ENTREP2: variants seen among roughly 807,000 people sequenced by gnomAD.
ENTREP2 encodes endosomal transmembrane epsin interactor 2, also known as protein ENTREP2.
the ENTREP2 span, among the ~76,000 whole-genome samples, chr15:29,288,396 C>T: frequency 6.6e-6 from 1 of 152,204 alleles, no homozygotes; most frequent in South Asian, 2.1e-4. Flanking sequence ...TCCCCATCAT[C>T]ACCAACACCT....
chr15:29,246,723 CA>C, the ENTREP2 span, among the ~76,000 whole-genome samples: 10 of 151,868 alleles, frequency 6.6e-5, no homozygotes, highest in Non-Finnish European at 1.5e-4. Context: ...AAATTATTTG[CA>C]TGTTCATTTT....
the ENTREP2 span, among the ~76,000 whole-genome samples, chr15:29,489,918 T>C: frequency 1.3e-5 from 2 of 152,206 alleles, no homozygotes; most frequent in Non-Finnish European, 2.9e-5. Flanking sequence ...GCTACAAAGA[T>C]CACCACAAAA....
the ENTREP2 span, among the ~76,000 whole-genome samples, chr15:29,378,145 G>A: frequency 6.6e-6 from 1 of 151,646 alleles, no homozygotes; most frequent in East Asian, 1.9e-4. Context: ...ATTACTTAAG[G>A]TGTGGAAGCC....
chr15:29,524,038 T>C, the ENTREP2 span, among the ~76,000 whole-genome samples: 1 of 152,082 alleles, frequency 6.6e-6, no homozygotes, highest in Non-Finnish European at 1.5e-5. Context: ...TGGGATATCA[T>C]CAAAATTACA....
At chr15:29,644,831 A>G in the ENTREP2 span, among the ~76,000 whole-genome samples, 95 of 151,808 alleles carry the variant, frequency 6.3e-4, no homozygotes, top group African/African-American at 2.1e-3. Context: ...AAAAAAAGAA[A>G]AAAAAAGAAA....
At chr15:29,656,730 T>C in the ENTREP2 span, among the ~76,000 whole-genome samples, 1 of 152,148 alleles carries the variant, frequency 6.6e-6, no homozygotes, top group Admixed American at 6.5e-5. Context: ...CAACAGACTC[T>C]CTCATATCTT....
At chr15:29,516,324 G>A in the ENTREP2 span, among the ~76,000 whole-genome samples, 1 of 152,098 alleles carries the variant, frequency 6.6e-6, no homozygotes, top group African/African-American at 2.4e-5. Context: ...AAACGCTAAG[G>A]TTTCCATTCA....
At chr15:29,342,778 C>G in the ENTREP2 span, among the ~76,000 whole-genome samples, 1 of 152,124 alleles carries the variant, frequency 6.6e-6, no homozygotes, top group Admixed American at 6.5e-5. Flanking sequence ...TCTGTGAGCT[C>G]TCTGACCCCG....
the ENTREP2 span, among the ~76,000 whole-genome samples, chr15:29,639,158 G>T: frequency 6.6e-6 from 1 of 152,184 alleles, no homozygotes; most frequent in Non-Finnish European, 1.5e-5. Context: ...CTGAGCATCT[G>T]CAGAGTCCCA....
At chr15:29,474,837 G>A in the ENTREP2 span, among the ~76,000 whole-genome samples, 2 of 152,096 alleles carry the variant, frequency 1.3e-5, no homozygotes, top group African/African-American at 2.4e-5. Flanking sequence ...GATTACAGGC[G>A]TGAGCCACCG....
the ENTREP2 span, among the ~76,000 whole-genome samples, chr15:29,401,312 G>A: frequency 6.6e-6 from 1 of 152,036 alleles, no homozygotes; most frequent in Non-Finnish European, 1.5e-5. Flanking sequence ...CAAAGAGCTC[G>A]TATAAATTAA....
At chr15:29,440,497 A>C in the ENTREP2 span, among the ~76,000 whole-genome samples, 1 of 152,216 alleles carries the variant, frequency 6.6e-6, no homozygotes, top group Non-Finnish European at 1.5e-5. Context: ...ACTCGTTTCC[A>C]ACATTAGCAT....
chr15:29,471,805 C>T, the ENTREP2 span, among the ~76,000 whole-genome samples: 1 of 152,198 alleles, frequency 6.6e-6, no homozygotes, highest in African/African-American at 2.4e-5. Context: ...TACCTCATGC[C>T]TTCTTCTGAA....
At chr15:29,662,165 C>T in the ENTREP2 span, among the ~76,000 whole-genome samples, 2 of 135,040 alleles carry the variant, frequency 1.5e-5, no homozygotes, top group East Asian at 2.3e-4. Flanking sequence ...GAGCCAATAT[C>T]GTGCAACCGC....
chr15:29,264,835 A>AC, the ENTREP2 span, among the ~76,000 whole-genome samples: 4 of 152,112 alleles, frequency 2.6e-5, no homozygotes, highest in East Asian at 1.9e-4. Flanking sequence ...TTAAAGACTA[A>AC]CCCCCCCTTA....
the ENTREP2 span, among the ~76,000 whole-genome samples, chr15:29,263,592 T>C: frequency 6.6e-6 from 1 of 152,190 alleles, no homozygotes; most frequent in Non-Finnish European, 1.5e-5. Context: ...ATGGTAAAGA[T>C]AATAGGTGCT....
the ENTREP2 span, among the ~76,000 whole-genome samples, chr15:29,655,340 A>G: frequency 6.6e-6 from 1 of 152,200 alleles, no homozygotes; most frequent in African/African-American, 2.4e-5. Context: ...TCACCATAGC[A>G]ACAACAGAAC....
the ENTREP2 span, among the ~76,000 whole-genome samples, chr15:29,662,213 A>C: frequency 8.6e-6 from 1 of 116,800 alleles, no homozygotes; most frequent in Non-Finnish European, 1.7e-5. Context: ...CCCTGTCGCA[A>C]AAAAAAAAAA....
the ENTREP2 span, among the ~76,000 whole-genome samples, chr15:29,479,798 G>A: frequency 5.9e-5 from 9 of 152,114 alleles, no homozygotes; most frequent in African/African-American, 1.9e-4. Context: ...AGAAGAAACA[G>A]ACACTTTTCC....
Sources: gnomAD v4.1 joint callset for allele counts (sites outside exome capture counted in the v4.1 genomes callset) on GRCh38, gnomAD v4.1.1 for gene constraint, MANE v1.5 for transcripts, NCBI Gene and HGNC (gene_info 2026-07-23, HGNC 2026-07-21) for gene names.